The following WIPF2 variants were observed in gnomAD, a reference collection of about 807,000 sequenced individuals.
The protein encoded by WIPF2 is WAS/WASL interacting protein family member 2.
Under a neutral mutation model 38.8 loss-of-function variants are expected in WIPF2, and 23 were observed. The ratio of observed to expected loss-of-function variants is 0.59; its 90% CI spans 0.43 to 0.84. WIPF2 has a LOEUF of 0.84. WIPF2 is among the 40% of genes least tolerant of loss of function. WIPF2 has a pLI of 0.00. For missense variants in WIPF2, 574 were observed against 580.5 expected, an observed-to-expected ratio of 0.99 and a Z score of 0.11; for synonymous variants, 210 against 223.2, an observed-to-expected ratio of 0.94 and a Z score of 0.53.
At chr17:40,233,787 G>A (rs2030845401) in intron 1 of WIPF2, among the ~76,000 whole-genome samples, 1 of 151,980 alleles carries the variant, frequency 6.6e-6, no homozygotes, top group South Asian at 2.1e-4. Flanking sequence ...AATTGGGCCG[G>A]GCACTGTGGC....
At chr17:40,258,960 T>G (rs898017784) in intron 2 of WIPF2, among the ~76,000 whole-genome samples, 1 of 145,396 alleles carries the variant, frequency 6.9e-6, no homozygotes, top group Non-Finnish European at 1.5e-5. Flanking sequence ...TAAAAAAAAA[T>G]TTTTTAGGCC....
At chr17:40,250,145 AT>A in intron 1 of WIPF2, among the ~76,000 whole-genome samples, 1 of 146,520 alleles carries the variant, frequency 6.8e-6, no homozygotes, top group Non-Finnish European at 1.5e-5. Context: ...CATCAGGAAG[AT>A]TTTAAATAAT....
chr17:40,265,376 G>T (rs1312289738), intron 5 of WIPF2, among the ~76,000 whole-genome samples: 1 of 152,188 alleles, frequency 6.6e-6, no homozygotes, highest in East Asian at 1.9e-4. Context: ...ATGCTTTAGA[G>T]AATTACAAAG....
chr17:40,266,538 C>G (rs1161253166), intron 5 of WIPF2, among the ~76,000 whole-genome samples: 1 of 151,824 alleles, frequency 6.6e-6, no homozygotes, highest in Non-Finnish European at 1.5e-5. Context: ...GGAGTGGGTT[C>G]AAGAATGCAG....
At chr17:40,265,430 T>C (rs1462915563) in intron 5 of WIPF2, among the ~76,000 whole-genome samples, 2 of 152,136 alleles carry the variant, frequency 1.3e-5, no homozygotes, top group African/African-American at 4.8e-5. Context: ...GTCGGGATGA[T>C]GATATCTTTA....
At chr17:40,247,010 CTG>C (rs908326980) in intron 1 of WIPF2, among the ~76,000 whole-genome samples, 1 of 151,548 alleles carries the variant, frequency 6.6e-6, no homozygotes, top group African/African-American at 2.4e-5. Flanking sequence ...ACTTGGAAGG[CTG>C]AGGCAGGAGA....
At position 40,230,804 on chromosome 17, in the gene WIPF2, G is replaced by A. The variant is rs868051943; in HGVS notation, c.-70+11312G>A. ...GACTGTTTTAAAAATAATCTTCATG[G>A]TGCTAGGGAGAGAACAGATGTTCTT... On this transcript the variant is annotated intron_variant, in intron 1 of 7. Coordinates refer to ENST00000323571, the MANE Select transcript of WIPF2 (RefSeq NM_133264.5). Among the ~76,000 whole-genome samples, 7 of 152,206 alleles carry A rather than the reference G, an allele frequency of 4.6e-5. No homozygotes were observed. In the East Asian group the frequency reaches 7.7e-4, roughly 17 times the overall value.
chr17:40,246,237 C>T (rs532865938), intron 1 of WIPF2, among the ~76,000 whole-genome samples: 4 of 151,254 alleles, frequency 2.6e-5, no homozygotes, highest in East Asian at 3.9e-4. Flanking sequence ...CAGGCGCGCA[C>T]CACCACACCC....
At position 40,270,375 on chromosome 17, in the gene WIPF2, A is replaced by AG. The variant is rs1193977640; in HGVS notation, c.971-3415_971-3414insG. On this transcript the variant is annotated intron_variant, in intron 5 of 7. Coordinates refer to ENST00000323571, the MANE Select transcript of WIPF2 (RefSeq NM_133264.5). ...AGCGAGACTCCGTCTCAAAAAAAAA[A>AG]AAAAAAAAGAAAAATAACTGGATCT... Among the ~76,000 whole-genome samples, 33 of 151,870 alleles carry AG rather than the reference A, an allele frequency of 2.2e-4. No homozygotes were observed. In the East Asian group the frequency reaches 6.0e-3, roughly 28 times the overall value.
At chr17:40,271,940 G>T (rs973495940) in intron 5 of WIPF2, among the ~76,000 whole-genome samples, 8 of 151,850 alleles carry the variant, frequency 5.3e-5, no homozygotes, top group African/African-American at 1.9e-4. Context: ...CTTCTACTTG[G>T]TGGCAAATTT....
rs1555558049 is a variant in WIPF2, at chr17:40,220,591, A to ATATG, written c.-70+1102_-70+1103insGTAT. 3.5e-3 allele frequency: 268 copies of ATATG among 76,670 alleles called. 1 individual carries two copies. Among genetic ancestry groups the ATATG allele is most frequent in the Non-Finnish European group, 5.7e-3 (230 of 40,616 alleles). 4.7% of individuals were successfully genotyped at this position (76,670 alleles called of 1,614,324 possible). On this transcript the variant is annotated intron_variant, in intron 1 of 7. Coordinates refer to ENST00000323571, the MANE Select transcript of WIPF2 (RefSeq NM_133264.5). ...TGTGTGTGTATATATATATATATAT[A>ATATG]TATATATATATATATATATATATAT... is the stretch of plus-strand genomic sequence containing the variant.
At position 40,262,567 on chromosome 17, in the gene WIPF2, C is replaced by T. The variant is rs2031947354; in HGVS notation, c.239C>T (p.Ala80Val). 6.2e-7 allele frequency: 1 copy of T among 1,614,044 alleles called. No homozygotes were observed. The highest frequency in any genetic ancestry group is 8.5e-7 in the Non-Finnish European group (1 of 1,179,922). Residue 80 changes from alanine to valine, a missense_variant, in exon 4 of 8, where the codon GCC (alanine) becomes GTC (valine). Physicochemically the swap from Ala to Val is moderately conservative, Grantham distance 64 (BLOSUM62 0). Transcript: ENST00000323571. ...GGTGGCTATGGCTCTGGAGGAGCTG[C>T]CCTGCAGCCCAAGGGAGGTCTCTTC... ...SSGGYGSGGA[A>V]LQPKGGLFQG...
intron 1 of WIPF2, among the ~76,000 whole-genome samples, chr17:40,223,383 T>C (rs2030334732): frequency 6.6e-6 from 1 of 152,058 alleles, no homozygotes; most frequent in Non-Finnish European, 1.5e-5. Flanking sequence ...TCACACTTGA[T>C]ACTAGAGTAG....
At position 40,275,602 on chromosome 17, in the gene WIPF2, C is replaced by T. The variant is rs200213693; in HGVS notation, c.1181-1481C>T. ...TTTTTGAGATAGCGTCTTGCTTTGT[C>T]ATCCAAGCTGGAGTGCAGTAGCGCA... On this transcript the variant is annotated intron_variant, in intron 6 of 7. Transcript: ENST00000323571. Among the ~76,000 whole-genome samples, 14 of 152,048 alleles carry T rather than the reference C, an allele frequency of 9.2e-5. No homozygotes were observed. The East Asian group carries it at 2.5e-3, about 27-fold the overall frequency.
chr17:40,252,534 T>C (rs2031591548), intron 1 of WIPF2, among the ~76,000 whole-genome samples: 1 of 151,768 alleles, frequency 6.6e-6, no homozygotes, highest in Non-Finnish European at 1.5e-5. Context: ...TGTGGTGGCA[T>C]GCGCCTGTAG....
At chr17:40,238,576 T>A (rs2031068468) in intron 1 of WIPF2, among the ~76,000 whole-genome samples, 2 of 152,090 alleles carry the variant, frequency 1.3e-5, no homozygotes, top group Non-Finnish European at 2.9e-5. Flanking sequence ...GTGTTGGGAT[T>A]ACAGGTGTGA....
intron 5 of WIPF2, among the ~76,000 whole-genome samples, chr17:40,265,868 A>G (rs939157758): frequency 6.6e-6 from 1 of 152,196 alleles, no homozygotes; most frequent in Non-Finnish European, 1.5e-5. Flanking sequence ...CAAAGGTGAC[A>G]AAAGGAGACC....
At chr17:40,242,306 G>T (rs1268834196) in intron 1 of WIPF2, among the ~76,000 whole-genome samples, 5 of 152,188 alleles carry the variant, frequency 3.3e-5, no homozygotes, top group Admixed American at 3.3e-4. Context: ...GGTTAAGGCT[G>T]CAGTGAGCTG....
At chr17:40,237,730 C>T (rs1156614866) in intron 1 of WIPF2, among the ~76,000 whole-genome samples, 1 of 150,020 alleles carries the variant, frequency 6.7e-6, no homozygotes, top group Non-Finnish European at 1.5e-5. Flanking sequence ...ACTGCAACCT[C>T]GGCCTCCCGG....
Sources: allele counts gnomAD v4.1 joint callset (sites outside exome capture counted in the v4.1 genomes callset), GRCh38; gene constraint gnomAD v4.1.1; transcripts MANE v1.5; gene names NCBI Gene and HGNC (gene_info 2026-07-23, HGNC 2026-07-21).